Variants in TRIM44 observed in about 807,000 individuals in gnomAD.
TRIM44 encodes tripartite motif containing 44, also known as tripartite motif-containing protein 44.
A neutral mutation model predicts 37.4 loss-of-function variants in TRIM44; 13 were observed. The ratio of observed to expected loss-of-function variants is 0.35; its 90% CI spans 0.23 to 0.55. The LOEUF (loss-of-function observed/expected upper bound fraction) is 0.55. TRIM44 is among the 20% of genes least tolerant of loss of function. The pLI is 0.89. For missense variants in TRIM44, 426 were observed against 437.2 expected (o/e 0.97, Z 0.23); for synonymous variants, 175 against 157.2 (o/e 1.11, Z -0.85).
At chr11:35,724,797 G>C (rs1469873150) in intron 2 of TRIM44, among the ~76,000 whole-genome samples, 1 of 152,044 alleles carries the variant, frequency 6.6e-6, no homozygotes, top group Non-Finnish European at 1.5e-5. Context: ...TATTGGCAAG[G>C]GTGTAGGAAA....
chr11:35,756,130 C>T (rs1161986677), intron 4 of TRIM44, among the ~76,000 whole-genome samples: 9 of 152,092 alleles, frequency 5.9e-5, no homozygotes, highest in South Asian at 2.1e-4. Flanking sequence ...ATTCTTCCTA[C>T]GCATGAGCAT....
At chr11:35,706,709 A>G (rs1346588201) in intron 2 of TRIM44, among the ~76,000 whole-genome samples, 2 of 151,856 alleles carry the variant, frequency 1.3e-5, no homozygotes, top group African/African-American at 4.8e-5. Context: ...ACAAAATTCA[A>G]CAACCCTTCA....
In TRIM44 at chr11:35,663,072, C is replaced by T; in HGVS notation, c.-40C>T. 1 of 1,479,718 alleles carries T rather than the reference C, an allele frequency of 6.8e-7. No individual in the cohort carries two copies. Among genetic ancestry groups the T allele is most frequent in the South Asian group, 1.4e-5 (1 of 70,920 alleles). 91.7% of individuals were successfully genotyped at this position (1,479,718 alleles called of 1,614,324 possible). A position where few individuals can be genotyped will look rare whatever the true frequency, so the allele number is the denominator to read the frequency against. ...GGCCGCGCGGAAGGAAGGCGGCGAG[C>T]CCCGGGGCCCCGAGGCCTTGGCCGC... On this transcript the variant is annotated 5_prime_UTR_variant, in exon 1 of 5. Coordinates refer to ENST00000299413, the MANE Select transcript of TRIM44 (RefSeq NM_017583.6).
intron 4 of TRIM44, among the ~76,000 whole-genome samples, chr11:35,769,042 A>G (rs181033589): frequency 2.0e-3 from 298 of 152,326 alleles, no homozygotes; most frequent in Non-Finnish European, 3.7e-3. Context: ...TAGTGGATCC[A>G]CATTTGTCCA....
At chr11:35,720,676 T>C (rs1317284253) in intron 2 of TRIM44, among the ~76,000 whole-genome samples, 1 of 152,090 alleles carries the variant, frequency 6.6e-6, no homozygotes, top group Non-Finnish European at 1.5e-5. Context: ...CTGTAGGTAA[T>C]TGTAGATGTT....
chr11:35,755,252 C>T (rs922171257), intron 4 of TRIM44, among the ~76,000 whole-genome samples: 1 of 152,162 alleles, frequency 6.6e-6, no homozygotes, highest in Non-Finnish European at 1.5e-5. Context: ...TCTCCAATGG[C>T]CAGTAATGAT....
chr11:35,745,707 AC>A (rs1852479677), intron 4 of TRIM44, among the ~76,000 whole-genome samples: 1 of 152,176 alleles, frequency 6.6e-6, no homozygotes. Context: ...CAAAGTGGGA[AC>A]CTGCCCTGGC....
chr11:35,761,711 T>C (rs556634898), intron 4 of TRIM44, among the ~76,000 whole-genome samples: 1 of 152,322 alleles, frequency 6.6e-6, no homozygotes, highest in African/African-American at 2.4e-5. Flanking sequence ...GGTAGACTAG[T>C]ATTTGAACCA....
At chr11:35,706,755 A>G (rs1564965777) in intron 2 of TRIM44, among the ~76,000 whole-genome samples, 1 of 152,026 alleles carries the variant, frequency 6.6e-6, no homozygotes, top group Non-Finnish European at 1.5e-5. Context: ...TATTGATGGG[A>G]CATATCTCAA....
At chr11:35,720,098 G>T (rs1243700226) in intron 2 of TRIM44, among the ~76,000 whole-genome samples, 2 of 152,124 alleles carry the variant, frequency 1.3e-5, no homozygotes, top group East Asian at 3.8e-4. Flanking sequence ...TTTTGATTGG[G>T]ATTTTGTTAA....
intron 2 of TRIM44, among the ~76,000 whole-genome samples, chr11:35,717,429 T>C (rs1301579265): frequency 1.3e-5 from 2 of 152,056 alleles, no homozygotes; most frequent in Non-Finnish European, 2.9e-5. Flanking sequence ...AGAAGTCAGC[T>C]CCCTGTGATT....
At chr11:35,788,151 G>A (rs1255144128) in intron 4 of TRIM44, among the ~76,000 whole-genome samples, 4 of 152,158 alleles carry the variant, frequency 2.6e-5, no homozygotes, top group African/African-American at 9.7e-5. Flanking sequence ...CTGAGCCGGA[G>A]GGTGGATGAT....
intron 2 of TRIM44, among the ~76,000 whole-genome samples, chr11:35,686,716 C>A (rs1346743675): frequency 6.6e-6 from 1 of 152,090 alleles, no homozygotes; most frequent in African/African-American, 2.4e-5. Flanking sequence ...GCCACCACAC[C>A]CAGCTAACTT....
intron 4 of TRIM44, among the ~76,000 whole-genome samples, chr11:35,779,251 C>T (rs148535645): frequency 0.019 from 2,923 of 152,264 alleles, 109 homozygotes; most frequent in African/African-American, 0.067. Context: ...GAGCCAGGCA[C>T]GGGATATTAT....
chr11:35,742,004 C>A (rs1852403294), intron 4 of TRIM44, among the ~76,000 whole-genome samples: 1 of 152,062 alleles, frequency 6.6e-6, no homozygotes. Context: ...AATCACAGCT[C>A]ACCGCAGCCT....
At position 35,678,204 on chromosome 11, in the gene TRIM44, T is replaced by C. The variant is rs192349072; in HGVS notation, c.670-7055T>C. Among the ~76,000 whole-genome samples the C allele has an allele frequency of 3.3e-5, 5 of 152,314 alleles. No individual in the cohort carries two copies. In the East Asian group the frequency reaches 9.6e-4, roughly 29 times the overall value. The stretch of plus-strand genomic sequence containing the variant: ...AAGGGAGTAAATGATCTGGTTTATA[T>C]TCTTAAAACTTCTCTTTGGTTCCTA... On this transcript the variant is annotated intron_variant, in intron 1 of 4. Coordinates refer to ENST00000299413, the MANE Select transcript of TRIM44 (RefSeq NM_017583.6).
chr11:35,708,990 C>A (rs879635805), intron 2 of TRIM44, among the ~76,000 whole-genome samples: 10 of 150,346 alleles, frequency 6.7e-5, no homozygotes, highest in Non-Finnish European at 1.3e-4. Flanking sequence ...ATGCCCCCCC[C>A]CCAAAAAAAA....
rs1386823740 is a variant in TRIM44 at position 35,811,407 on chromosome 11, A to G, written c.*5022A>G. On this transcript the variant is annotated 3_prime_UTR_variant, in exon 5 of 5. Transcript: ENST00000299413. ...AATTTGGATGAACTAGAAGGAAGGT[A>G]AAATTGTAATTTTTGCCATATTTTC... 2 of 152,024 alleles carry G rather than the reference A, an allele frequency of 1.3e-5. No homozygotes were observed. Among genetic ancestry groups the G allele is most frequent in the African/African-American group, 2.4e-5 (1 of 41,250 alleles). The allele number at this position is 152,024 out of a possible 1,614,324, so 9.4% of individuals were successfully genotyped here.
At chr11:35,751,050 A>C (rs1467254459) in intron 4 of TRIM44, among the ~76,000 whole-genome samples, 1 of 152,206 alleles carries the variant, frequency 6.6e-6, no homozygotes, top group African/African-American at 2.4e-5. Flanking sequence ...AGTAATAACA[A>C]CGCAGTGGTA....
Sources: gnomAD v4.1 joint callset for allele counts (sites outside exome capture counted in the v4.1 genomes callset) on GRCh38, gnomAD v4.1.1 for gene constraint, MANE v1.5 for transcripts, NCBI Gene and HGNC (gene_info 2026-07-23, HGNC 2026-07-21) for gene names.